Variants in UNC5D observed in about 807,000 individuals in gnomAD.
The protein encoded by UNC5D is unc-5 netrin receptor D.
UNC5D carries 39 observed loss-of-function variants against 105.4 expected under a neutral mutation model. The observed-to-expected ratio is 0.37, with a 90% CI of 0.29 to 0.48. The LOEUF (loss-of-function observed/expected upper bound fraction) is 0.48. Ranked by LOEUF, UNC5D falls within the 20% of genes least tolerant of loss-of-function variation. The pLI is 0.98. For missense variants in UNC5D, 991 were observed against 1,202.4 expected (o/e 0.82, Z 2.60); for synonymous variants, 452 against 450.4 (o/e 1.00, Z -0.04).
intron 2 of UNC5D, among the ~76,000 whole-genome samples, chr8:35,563,289 A>G (rs1817091699): frequency 8.1e-6 from 1 of 122,774 alleles, no homozygotes; most frequent in Non-Finnish European, 1.6e-5. Flanking sequence ...CTTTCACCAG[A>G]GTTTTATCAT....
intron 1 of UNC5D, among the ~76,000 whole-genome samples, chr8:35,315,639 C>T (rs985336160): frequency 1.3e-5 from 2 of 152,168 alleles, no homozygotes; most frequent in Non-Finnish European, 1.5e-5. Flanking sequence ...GAAATGACTT[C>T]CATTTTAAGG....
At chr8:35,291,752 T>A (rs1227724741) in intron 1 of UNC5D, among the ~76,000 whole-genome samples, 1 of 152,216 alleles carries the variant, frequency 6.6e-6, no homozygotes, top group Non-Finnish European at 1.5e-5. Context: ...CATTTCTCTC[T>A]TTTGTAGTTG....
intron 11 of UNC5D, among the ~76,000 whole-genome samples, chr8:35,738,583 G>C (rs1007672405): frequency 6.6e-6 from 1 of 152,122 alleles, no homozygotes; most frequent in African/African-American, 2.4e-5. Flanking sequence ...AAAACCAAGA[G>C]CCTCATGAAG....
intron 9 of UNC5D, chr8:35,724,398 C>G: frequency 8.0e-7 from 1 of 1,251,500 alleles, no homozygotes. Flanking sequence ...AGCAATACAT[C>G]CAGTGCCCCG....
At chr8:35,659,662 G>A (rs138906521) in intron 4 of UNC5D, among the ~76,000 whole-genome samples, 143 of 152,356 alleles carry the variant, frequency 9.4e-4, no homozygotes, top group African/African-American at 3.1e-3. Context: ...ATGAACTCAT[G>A]CAGCATCTTG....
At chr8:35,678,809 T>C (rs117738444) in intron 4 of UNC5D, among the ~76,000 whole-genome samples, 6,903 of 152,252 alleles carry the variant, frequency 0.045, 227 homozygotes, top group Middle Eastern at 0.11. Context: ...TTTCCTCTTT[T>C]TTGTTCTTTT....
In UNC5D at chr8:35,745,249, T is replaced by C. The variant is rs563557902; in HGVS notation, c.1767-3278T>C. Among the ~76,000 whole-genome samples, 8 of 152,234 alleles carry C rather than the reference T, an allele frequency of 5.3e-5. No homozygotes were observed. The East Asian group carries it at 1.5e-3, about 29-fold the overall frequency. ...GCCTGGTCAGAGAAAACCTCATCAG[T>C]AGATGTCAGTTAAGCAAGAACCTGA... On this transcript the variant is annotated intron_variant, in intron 11 of 16. Transcript: ENST00000404895.
At chr8:35,772,692 A>C (rs766798590) in intron 15 of UNC5D, among the ~76,000 whole-genome samples, 3 of 152,212 alleles carry the variant, frequency 2.0e-5, no homozygotes, top group East Asian at 1.9e-4. Context: ...CTTTTGCTAC[A>C]TAACAAACTA....
chr8:35,587,242 T>C (rs1311172742), intron 3 of UNC5D, among the ~76,000 whole-genome samples: 1 of 151,974 alleles, frequency 6.6e-6, no homozygotes, highest in Admixed American at 6.6e-5. Context: ...CTAGACAGAG[T>C]GCTGCTCCAA....
chr8:35,284,057 A>C (rs1404120696), intron 1 of UNC5D, among the ~76,000 whole-genome samples: 1 of 152,224 alleles, frequency 6.6e-6, no homozygotes, highest in Non-Finnish European at 1.5e-5. Flanking sequence ...AGATTTAGTG[A>C]GAATATCAAC....
chr8:35,504,444 G>A (rs1393173398), intron 1 of UNC5D, among the ~76,000 whole-genome samples: 1 of 152,212 alleles, frequency 6.6e-6, no homozygotes, highest in Admixed American at 6.5e-5. Flanking sequence ...ATTAGATACA[G>A]CCTTCTTAAA....
In UNC5D at chr8:35,265,727, G is replaced by A. The variant is rs547097809; in HGVS notation, c.103+29840G>A. Among the ~76,000 whole-genome samples, 91 of 151,922 alleles carry A rather than the reference G, an allele frequency of 6.0e-4. 1 individual carries two copies. The South Asian group carries it at 0.019, about 31-fold the overall frequency. On this transcript the variant is annotated intron_variant, in intron 1 of 16. Coordinates refer to ENST00000404895, the MANE Select transcript of UNC5D (RefSeq NM_080872.4). Reference sequence around the variant, plus strand: ...CTACTAAAAATACAAAAAATTAGCCGGGCATGGTGGCAGGCGCCTGTAGTC... The same window carrying A: ...CTACTAAAAATACAAAAAATTAGCCAGGCATGGTGGCAGGCGCCTGTAGTC...
chr8:35,538,382 T>TA (rs1195017218), intron 1 of UNC5D, among the ~76,000 whole-genome samples: 3 of 111,020 alleles, frequency 2.7e-5, no homozygotes, highest in Non-Finnish European at 3.6e-5. Context: ...AGTCGTGATT[T>TA]AAAAAAAAAT....
At chr8:35,398,262 G>T (rs1804224811) in intron 1 of UNC5D, among the ~76,000 whole-genome samples, 1 of 151,968 alleles carries the variant, frequency 6.6e-6, no homozygotes, top group Non-Finnish European at 1.5e-5. Flanking sequence ...TCCCTTGCTG[G>T]GGCCTTTCTT....
At chr8:35,421,652 G>A (rs1397729153) in intron 1 of UNC5D, among the ~76,000 whole-genome samples, 1 of 150,778 alleles carries the variant, frequency 6.6e-6, no homozygotes, top group Non-Finnish European at 1.5e-5. Context: ...TTGTAAAATA[G>A]TTATATATCA....
chr8:35,527,118 A>AT (rs201602306), intron 1 of UNC5D, among the ~76,000 whole-genome samples: 602 of 143,698 alleles, frequency 4.2e-3, no homozygotes, highest in African/African-American at 0.012. Flanking sequence ...CTTTTTGGTT[A>AT]TTTTTTTTTT....
At chr8:35,752,616 A>G (rs925309181) in intron 13 of UNC5D, among the ~76,000 whole-genome samples, 4 of 152,132 alleles carry the variant, frequency 2.6e-5, no homozygotes, top group African/African-American at 9.7e-5. Context: ...TCCTCCCACC[A>G]TTGTCATTTA....
At chr8:35,273,478 G>A (rs1203320977) in intron 1 of UNC5D, among the ~76,000 whole-genome samples, 1 of 152,136 alleles carries the variant, frequency 6.6e-6, no homozygotes, top group African/African-American at 2.4e-5. Context: ...AAAGCTTACA[G>A]CAAGGCCTCT....
At position 35,700,043 on chromosome 8, in the gene UNC5D, G is replaced by T. The variant is rs572189757; in HGVS notation, c.1085-5886G>T. On this transcript the variant is annotated intron_variant, in intron 7 of 16. Coordinates refer to ENST00000404895, the MANE Select transcript of UNC5D (RefSeq NM_080872.4). ...AATCCCCACTTGCCATTGTCTCCCT[G>T]ACATATTCCGGCATAGTGTTGTTGC... is the stretch of plus-strand genomic sequence containing the variant. Among the ~76,000 whole-genome samples the T allele has an allele frequency of 3.7e-4, 56 of 152,316 alleles. 2 individuals are homozygous for T. Among genetic ancestry groups the T allele is most frequent in the African/African-American group, 1.3e-3 (54 of 41,570 alleles).
Sources: allele counts gnomAD v4.1 joint callset (sites outside exome capture counted in the v4.1 genomes callset), GRCh38; gene constraint gnomAD v4.1.1; transcripts MANE v1.5; gene names NCBI Gene and HGNC (gene_info 2026-07-23, HGNC 2026-07-21).